Variants in NBR1 observed in about 807,000 individuals in gnomAD.
The protein encoded by NBR1 is NBR1 autophagy cargo receptor.
In NBR1, 59 loss-of-function variants were observed where a neutral mutation model predicts 115.5. The observed-to-expected ratio is 0.51, with a 90% CI of 0.41 to 0.63. The LOEUF is 0.63. Among genes scored for constraint, NBR1 ranks in the 30% least tolerant of loss-of-function variants. NBR1 has a pLI of 0.00. For synonymous variants in NBR1, 373 were observed against 414.7 expected (o/e 0.90, Z 1.22); for missense variants, 1,043 against 1,150.5 (o/e 0.91, Z 1.35).
intron 1 of NBR1, among the ~76,000 whole-genome samples, chr17:43,173,331 C>T (rs1198625162): frequency 2.0e-5 from 3 of 151,986 alleles, no homozygotes; most frequent in African/African-American, 4.8e-5. Flanking sequence ...CTCTATCACC[C>T]AGGCGAGAGT....
At chr17:43,204,189 C>T (rs1009335953) in intron 20 of NBR1, among the ~76,000 whole-genome samples, 3 of 152,082 alleles carry the variant, frequency 2.0e-5, no homozygotes, top group Non-Finnish European at 4.4e-5. Context: ...CTTCCCGCTT[C>T]AGCCTCCCAA....
At chr17:43,206,112 G>T (rs1450410285) in intron 20 of NBR1, among the ~76,000 whole-genome samples, 1 of 150,618 alleles carries the variant, frequency 6.6e-6, no homozygotes, top group Non-Finnish European at 1.5e-5. Flanking sequence ...GGAGGCGGAT[G>T]TTGCAGTGAG....
intron 17 of NBR1, among the ~76,000 whole-genome samples, chr17:43,201,463 A>G (rs1325334593): frequency 1.3e-5 from 2 of 152,246 alleles, no homozygotes; most frequent in Admixed American, 6.5e-5. Context: ...AGGTGGGGAC[A>G]TGACCAGACT....
chr17:43,205,077 C>T (rs915486949), intron 20 of NBR1, among the ~76,000 whole-genome samples: 2 of 152,002 alleles, frequency 1.3e-5, no homozygotes, highest in African/African-American at 4.8e-5. Flanking sequence ...CTATGCTGGC[C>T]GGGTGTGGTG....
intron 20 of NBR1, among the ~76,000 whole-genome samples, chr17:43,206,152 G>A (rs947232398): frequency 5.3e-5 from 8 of 150,804 alleles, no homozygotes; most frequent in African/African-American, 1.7e-4. Context: ...CTTCAGCCTG[G>A]GTGACAGAGC....
upstream of NBR1, chr17:43,171,086 C>T (rs1193539643): frequency 2.0e-5 from 3 of 152,688 alleles, no homozygotes; most frequent in Non-Finnish European, 4.4e-5. Flanking sequence ...TGCTTCTGCC[C>T]CGCCCCATCG....
At chr17:43,188,257 G>A (rs1267472969) in intron 6 of NBR1, among the ~76,000 whole-genome samples, 1 of 152,166 alleles carries the variant, frequency 6.6e-6, no homozygotes, top group Non-Finnish European at 1.5e-5. Context: ...CCGAATAAAT[G>A]TCTTCTTTTG....
chr17:43,177,361 CTG>C (rs1346732005), intron 2 of NBR1, among the ~76,000 whole-genome samples: 1 of 149,082 alleles, frequency 6.7e-6, no homozygotes, highest in Non-Finnish European at 1.5e-5. Flanking sequence ...AACTTATACA[CTG>C]TTCTACAGGA....
intron 20 of NBR1, chr17:43,209,549 G>C (rs746322430): frequency 6.5e-7 from 1 of 1,532,016 alleles, no homozygotes; most frequent in South Asian, 1.2e-5. Flanking sequence ...TTACACTTAT[G>C]TTCACAGGGT....
In NBR1 at chr17:43,200,372, C is replaced by T; in HGVS notation, c.2232C>T (p.Arg744=). ...TGCCTGAGTGCTTTGATACCAGCCG[C>T]CCCCTGGGGGATTCTATGTACAGCT... ...IILPECFDTS[R]PLGDSMYSSA... The change falls in exon 17 of 21, where the codon CGC becomes CGT. Residue 744 remains arginine (R), a synonymous_variant. Transcript: ENST00000590996. 1.3e-6 allele frequency: 2 copies of T among 1,570,804 alleles called. No individual in the cohort carries two copies. Among genetic ancestry groups the T allele is most frequent in the Non-Finnish European group, 1.7e-6 (2 of 1,157,996 alleles).
chr17:43,191,518 G>T lies in NBR1; in HGVS notation c.1010G>T (p.Gly337Val). Residue 337 changes from glycine (G) to valine (V), a missense_variant, in exon 10 of 21, where the codon GGA (glycine) becomes GTA (valine). Gly to Val is a moderately radical substitution (Grantham distance 109). Coordinates refer to ENST00000590996, the MANE Select transcript of NBR1 (RefSeq NM_005899.5). ...ATTCACCTGTGGAATTCAATCCATG[G>T]ACTCCAGAGCCCCAAGTCTCCTTTA... Reference protein sequence around the residue: ...RKIHLWNSIHGLQSPKSPLGR... With the variant: ...RKIHLWNSIHVLQSPKSPLGR... The T allele has an allele frequency of 1.2e-6, 2 of 1,613,348 alleles. No homozygotes were observed. The highest frequency in any genetic ancestry group is 1.7e-6 in the Non-Finnish European group (2 of 1,179,604).
intron 6 of NBR1, 138 bp downstream of exon 6, chr17:43,186,582 T>C (rs1268775174): frequency 1.3e-5 from 10 of 743,456 alleles, no homozygotes; most frequent in Admixed American, 7.7e-5. Context: ...AGGTTTGTTA[T>C]ATAGGTATAC....
intron 20 of NBR1, among the ~76,000 whole-genome samples, chr17:43,206,186 A>C (rs1164112860): frequency 6.6e-6 from 1 of 151,742 alleles, no homozygotes; most frequent in African/African-American, 2.4e-5. Context: ...AAAAAAAAAA[A>C]AAAAGAAAAA....
chr17:43,183,856 C>T (rs559359209), intron 5 of NBR1, among the ~76,000 whole-genome samples: 6 of 152,020 alleles, frequency 3.9e-5, no homozygotes, highest in South Asian at 2.1e-4. Flanking sequence ...AATAGGGCTT[C>T]GCTATGTTGG....
At position 43,186,280 on chromosome 17, in the gene NBR1, A is replaced by G. The variant is rs1323978421; in HGVS notation, c.238A>G (p.Met80Val). The change falls in exon 6 of 21, where the codon ATG becomes GTG. Residue 80 changes from methionine (M) to valine (V), a missense_variant. Transcript: ENST00000590996. The stretch of plus-strand genomic sequence containing the variant: ...AGTTAAACAGGGAAACCAACTGCAG[A>G]TGCAAGTCCACGAAGGGCACCATGT... ...MAVKQGNQLQ[M>V]QVHEGHHVVD... 1.9e-6 allele frequency: 3 copies of G among 1,583,110 alleles called. No homozygotes were observed. The highest frequency in any genetic ancestry group is 1.2e-5 in the South Asian group (1 of 86,220).
intron 15 of NBR1, 90 bp from the exon 16 acceptor site, chr17:43,196,852 C>T: frequency 7.1e-7 from 1 of 1,411,222 alleles, no homozygotes; most frequent in South Asian, 1.3e-5. Flanking sequence ...AGCAGCTATT[C>T]CTTGGTTTAG....
chr17:43,194,268 T>G (rs2154582239), intron 12 of NBR1, 82 bp from the exon 13 acceptor site: 6 of 1,308,484 alleles, frequency 4.6e-6, no homozygotes, highest in African/African-American at 1.5e-5. Context: ...ACAGCAGCGT[T>G]TTTATTTTTG....
chr17:43,194,400 G>A lies in NBR1; in HGVS notation c.1575G>A (p.Glu525=). 1 of 1,613,982 alleles carries A rather than the reference G, an allele frequency of 6.2e-7. No individual in the cohort carries two copies. The part of the protein sequence containing the change: ...KEERQLGEVT[E]QTEGTAACIP... The stretch of plus-strand genomic sequence containing the variant: ...AAAGACAGCTTGGTGAAGTGACTGA[G>A]CAGACAGAAGGGACAGCAGCCTGCA... Residue 525 remains glutamate (E), a synonymous_variant, in exon 13 of 21, where the codon GAG becomes GAA. Transcript: ENST00000590996.
chr17:43,201,818 TCCTGTCTAA>T, intron 18 of NBR1, 38 bp downstream of exon 18: 1 of 1,177,598 alleles, frequency 8.5e-7, no homozygotes, highest in Non-Finnish European at 1.3e-6. Flanking sequence ...TTTTCTCTGC[TCCTGTCTAA>T]TGGAAACCAG....
Sources: allele counts gnomAD v4.1 joint callset (sites outside exome capture counted in the v4.1 genomes callset), GRCh38; gene constraint gnomAD v4.1.1; transcripts MANE v1.5; gene names NCBI Gene and HGNC (gene_info 2026-07-23, HGNC 2026-07-21).